ACTA2: variants seen among roughly 807,000 people sequenced by gnomAD.
ACTA2 encodes the protein actin, aortic smooth muscle.
In ACTA2, 12 loss-of-function variants were observed where a neutral mutation model predicts 39.5. That is an observed-to-expected ratio of 0.30 (90% CI 0.19 to 0.49). The LOEUF is 0.49. Among genes scored for constraint, ACTA2 ranks in the 20% least tolerant of loss-of-function variants. ACTA2 has a pLI of 0.99. For synonymous variants in ACTA2, 158 were observed against 180.6 expected (o/e 0.88, Z 1.00); for missense variants, 236 against 498.8 (o/e 0.47, Z 5.02).
At chr10:88,942,273 T>G (rs1466265442) in intron 4 of ACTA2, among the ~76,000 whole-genome samples, 1 of 152,198 alleles carries the variant, frequency 6.6e-6, no homozygotes, top group East Asian at 1.9e-4. Context: ...GCAGACATCC[T>G]AGGGCTTGTT....
intron 1 of ACTA2, among the ~76,000 whole-genome samples, chr10:88,971,686 TAAG>T (rs1316935103): frequency 6.6e-6 from 1 of 152,210 alleles, no homozygotes; most frequent in Non-Finnish European, 1.5e-5. Flanking sequence ...AGGACACGTG[TAAG>T]ACTATAATAC....
rs2133385516 is a variant in ACTA2, at chr10:88,990,989, C to T, written c.-74G>A. 1.3e-6 allele frequency: 2 copies of T among 1,593,584 alleles called. No homozygotes were observed. The highest frequency in any genetic ancestry group is 1.7e-6 in the Non-Finnish European group (2 of 1,163,416). On this transcript the variant is annotated 5_prime_UTR_variant, in exon 1 of 5. Coordinates refer to the ACTA2 transcript ENST00000415557. This position sits in a 1 kb window ranked among gnomAD's most constrained non-coding sequence, Gnocchi z 4.9. ...AAGTGGGGCGGGCGCGGGACGCGTG[C>T]GGGATTGCGGCGGCAGCGGCGCACG... is the stretch of plus-strand genomic sequence containing the variant.
rs539607193 is a variant in ACTA2, at chr10:88,961,573, T to C, written c.-23-12620A>G. On this transcript the variant is annotated intron_variant, in intron 1 of 4. Transcript: ENST00000415557. Reference sequence around the variant, plus strand: ...GATTTATACACATCAGAGGAAGACATAACTTAGGCAAGAATAGCCACAGAG... The same window carrying C: ...GATTTATACACATCAGAGGAAGACACAACTTAGGCAAGAATAGCCACAGAG... Among the ~76,000 whole-genome samples, 14 of 152,278 alleles carry C rather than the reference T, an allele frequency of 9.2e-5. No individual in the cohort carries two copies. In the East Asian group the frequency reaches 2.7e-3, roughly 29 times the overall value.
chr10:88,973,306 A>G, intron 1 of ACTA2: 5 of 1,598,010 alleles, frequency 3.1e-6, no homozygotes, highest in Non-Finnish European at 4.3e-6. Context: ...CCATCTGAAC[A>G]GCTCTGAGAG....
At chr10:88,981,527 T>G (rs1564662445) in intron 1 of ACTA2, among the ~76,000 whole-genome samples, 1 of 152,078 alleles carries the variant, frequency 6.6e-6, no homozygotes, top group Non-Finnish European at 1.5e-5. Flanking sequence ...GGAAGGCAAA[T>G]TGAAGAGGTA....
chr10:88,962,578 C>A (rs1717401657), intron 1 of ACTA2, among the ~76,000 whole-genome samples: 1 of 152,078 alleles, frequency 6.6e-6, no homozygotes, highest in Non-Finnish European at 1.5e-5. Context: ...GGCTAATTGT[C>A]TTTGGTGACA....
chr10:88,951,693 C>T (rs967907726), intron 1 of ACTA2, among the ~76,000 whole-genome samples: 9 of 152,150 alleles, frequency 5.9e-5, no homozygotes, highest in African/African-American at 1.9e-4. Flanking sequence ...CGAGTGTCTG[C>T]TTTTGGAACT....
At chr10:88,944,048 T>C (rs1845904447) in intron 3 of ACTA2, 141 bp from the exon 4 acceptor site, 3 of 694,184 alleles carry the variant, frequency 4.3e-6, no homozygotes, top group Admixed American at 2.4e-5. Flanking sequence ...CATGGTTTTA[T>C]AGATGCAGAG....
intron 4 of ACTA2, among the ~76,000 whole-genome samples, chr10:88,943,119 C>T (rs1338805492): frequency 6.6e-6 from 1 of 152,180 alleles, no homozygotes; most frequent in African/African-American, 2.4e-5. Flanking sequence ...CAGTACTTGA[C>T]CATAACAAGT....
At chr10:88,938,357 A>C in intron 7 of ACTA2, 115 bp from the exon 8 acceptor site, 1 of 1,180,892 alleles carries the variant, frequency 8.5e-7, no homozygotes, top group South Asian at 1.2e-5. Flanking sequence ...CTGGGAAGAC[A>C]TAATAATCTA....
At position 88,990,828 on chromosome 10, in the gene ACTA2, A is replaced by G. The variant is rs748639752; in HGVS notation, c.-24+111T>C. The G allele has an allele frequency of 3.1e-6, 5 of 1,613,826 alleles. No homozygotes were observed. The highest frequency in any genetic ancestry group is 1.7e-5 in the Admixed American group (1 of 60,008). On this transcript the variant is annotated intron_variant, in intron 1 of 4. Transcript: ENST00000415557. The surrounding 1 kb of genome is among the most constrained non-coding windows in gnomAD (Gnocchi z 4.9). Reference sequence around the variant, plus strand: ...CTCCCGCGGGTTGGTGGACCCGCTCAGTACGGAGTTGGGGAAGCTCTTTCA... The same window carrying G: ...CTCCCGCGGGTTGGTGGACCCGCTCGGTACGGAGTTGGGGAAGCTCTTTCA...
intron 3 of ACTA2, among the ~76,000 whole-genome samples, chr10:88,944,642 G>T (rs781333327): frequency 3.1e-4 from 47 of 152,150 alleles, no homozygotes; most frequent in Non-Finnish European, 4.7e-4. Context: ...TCCTCTATCA[G>T]CACACTCTGG....
At chr10:88,965,650 G>C (rs1246047202) in intron 1 of ACTA2, among the ~76,000 whole-genome samples, 3 of 129,190 alleles carry the variant, frequency 2.3e-5, no homozygotes, top group Non-Finnish European at 5.2e-5. Context: ...TAGTTGCAAG[G>C]TCAAGCCATT....
chr10:88,963,070 G>A (rs1846262936), intron 1 of ACTA2, among the ~76,000 whole-genome samples: 1 of 149,910 alleles, frequency 6.7e-6, no homozygotes, highest in East Asian at 2.0e-4. Context: ...ACTGTCACGA[G>A]AACAGCACAG....
intron 1 of ACTA2, among the ~76,000 whole-genome samples, chr10:88,981,601 C>T (rs1394072404): frequency 6.6e-6 from 1 of 152,100 alleles, no homozygotes; most frequent in Non-Finnish European, 1.5e-5. Flanking sequence ...AATCCAACAG[C>T]TGCTTTGTTA....
intron 1 of ACTA2, among the ~76,000 whole-genome samples, chr10:88,966,613 C>T (rs1356074513): frequency 6.6e-6 from 1 of 152,142 alleles, no homozygotes; most frequent in African/African-American, 2.4e-5. Context: ...ATGACTTAGA[C>T]AGAGTGCCTA....
chr10:88,962,203 C>A (rs939767333), intron 1 of ACTA2, among the ~76,000 whole-genome samples: 2 of 152,108 alleles, frequency 1.3e-5, no homozygotes, highest in African/African-American at 4.8e-5. Flanking sequence ...GAAATTGTAA[C>A]CTTTGTGCAA....
chr10:88,937,963 G>T, intron 8 of ACTA2, 98 bp downstream of exon 8: 1 of 1,425,404 alleles, frequency 7.0e-7, no homozygotes, highest in South Asian at 1.2e-5. Context: ...ACCCACAATT[G>T]CATGTCACCA....
Position 88,990,656 on chromosome 10 carries a change from C to A in ACTA2, c.-24+283G>T, listed in dbSNP as rs777296029. The A allele has an allele frequency of 4.9e-5, 34 of 699,364 alleles. No homozygotes were observed. Among genetic ancestry groups the A allele is most frequent in the Non-Finnish European group, 8.3e-5 (32 of 384,986 alleles). 43.3% of individuals were successfully genotyped at this position (699,364 alleles called of 1,614,324 possible). On this transcript the variant is annotated intron_variant, in intron 1 of 4. Coordinates refer to the ACTA2 transcript ENST00000415557. The surrounding 1 kb of genome is among the most constrained non-coding windows in gnomAD (Gnocchi z 4.9). ...TTTCGTGAGCTCGTCTCTGATCTCG[C>A]GCAAGAGTGACACACAGGTGTTCAA...
Sources: gnomAD v4.1 joint callset for allele counts (sites outside exome capture counted in the v4.1 genomes callset) on GRCh38, gnomAD v4.1.1 for gene constraint, Gnocchi (gnomAD v3.1) non-coding constraint, MANE v1.5 for transcripts, NCBI Gene and HGNC (gene_info 2026-07-23, HGNC 2026-07-21) for gene names.